SMARCC1: variants seen among roughly 807,000 people sequenced by gnomAD.
SMARCC1 encodes SWI/SNF related BAF chromatin remodeling complex subunit C1.
Under a neutral mutation model 147.4 loss-of-function variants are expected in SMARCC1, and 43 were observed. The observed-to-expected ratio is 0.29, with a 90% CI of 0.23 to 0.38. SMARCC1 has a LOEUF of 0.38. SMARCC1 is among the 10% of genes least tolerant of loss of function. The pLI, the probability that SMARCC1 is intolerant of heterozygous loss-of-function variation, is 1.00. For missense variants in SMARCC1, 1,119 were observed against 1,381.1 expected (o/e 0.81, Z 3.01); for synonymous variants, 495 against 484.4 (o/e 1.02, Z -0.29).
At chr3:47,610,686 C>T (rs1015940550) in intron 25 of SMARCC1, 2 of 263,084 alleles carry the variant, frequency 7.6e-6, no homozygotes, top group Admixed American at 4.8e-5. Context: ...TGAGTCTTCC[C>T]CAGGTAAAAC....
chr3:47,711,367 C>A (rs954509047), intron 8 of SMARCC1, among the ~76,000 whole-genome samples: 1 of 152,054 alleles, frequency 6.6e-6, no homozygotes, highest in African/African-American at 2.4e-5. Context: ...GTTGTGTGGA[C>A]GTACAAATGT....
At chr3:47,769,293 G>A (rs547543819) in intron 2 of SMARCC1, among the ~76,000 whole-genome samples, 39 of 147,912 alleles carry the variant, frequency 2.6e-4, no homozygotes, top group Non-Finnish European at 4.9e-4. Context: ...GAGGTGGCCG[G>A]ATCATGAGGT....
At chr3:47,626,186 G>A (rs1248126269) in intron 24 of SMARCC1, among the ~76,000 whole-genome samples, 4 of 151,100 alleles carry the variant, frequency 2.6e-5, no homozygotes, top group Non-Finnish European at 4.4e-5. Context: ...TAGCTTTGTC[G>A]CCCAGGCTGG....
intron 2 of SMARCC1, chr3:47,746,371 G>C (rs2034564129): frequency 6.3e-6 from 1 of 159,654 alleles, no homozygotes; most frequent in African/African-American, 2.4e-5. Context: ...ACTTCAGCCT[G>C]AGAGGTTGAG....
chr3:47,696,152 C>G (rs201842157), intron 11 of SMARCC1, among the ~76,000 whole-genome samples: 1 of 151,340 alleles, frequency 6.6e-6, no homozygotes, highest in East Asian at 2.0e-4. Flanking sequence ...GGGTGGATCA[C>G]CTGAGATCAG....
intron 21 of SMARCC1, among the ~76,000 whole-genome samples, chr3:47,655,533 C>T (rs918449465): frequency 1.3e-5 from 2 of 151,014 alleles, no homozygotes; most frequent in Non-Finnish European, 2.9e-5. Flanking sequence ...CCTGTCTCCA[C>T]CAAAAATACA....
chr3:47,743,739 G>A (rs1437157589), intron 3 of SMARCC1, among the ~76,000 whole-genome samples: 6 of 151,510 alleles, frequency 4.0e-5, no homozygotes, highest in African/African-American at 1.2e-4. Flanking sequence ...CTTGAACCTG[G>A]GAGGTAGAGG....
intron 1 of SMARCC1, among the ~76,000 whole-genome samples, chr3:47,780,749 G>A (rs2035036767): frequency 6.6e-6 from 1 of 152,118 alleles, no homozygotes; most frequent in Admixed American, 6.6e-5. Context: ...AAACTTCAGA[G>A]GCTGGGGAGC....
At chr3:47,741,277 T>C (rs544624159) in intron 3 of SMARCC1, among the ~76,000 whole-genome samples, 16 of 151,508 alleles carry the variant, frequency 1.1e-4, no homozygotes, top group African/African-American at 3.4e-4. Flanking sequence ...AAAGGCAATG[T>C]CTGCACTGCA....
At position 47,587,295 on chromosome 3, in the gene SMARCC1, A is replaced by T. The variant is rs533073510; in HGVS notation, c.*914T>A. On this transcript the variant is annotated 3_prime_UTR_variant, in exon 28 of 28. Coordinates refer to ENST00000254480, the MANE Select transcript of SMARCC1 (RefSeq NM_003074.4). ...AAAAAATGCACACAAAGCAGTGAAT[A>T]GTAGGCTAGACTCATTGGGGGTAAT... 2.6e-4 allele frequency: 18 copies of T among 70,324 alleles called. No homozygotes were observed. The highest frequency in any genetic ancestry group is 8.6e-4 in the African/African-American group (16 of 18,520). The allele number at this position is 70,324 out of a possible 1,614,324, so 4.4% of individuals were successfully genotyped here.
At chr3:47,768,974 G>A (rs973903167) in intron 2 of SMARCC1, among the ~76,000 whole-genome samples, 1 of 151,538 alleles carries the variant, frequency 6.6e-6, no homozygotes, top group Admixed American at 6.6e-5. Flanking sequence ...CTTTGGGAGG[G>A]AGAGGTGGGC....
chr3:47,733,863 CAAAA>C (rs35679222), intron 5 of SMARCC1, among the ~76,000 whole-genome samples: 3 of 72,410 alleles, frequency 4.1e-5, no homozygotes, highest in Non-Finnish European at 3.0e-5. Flanking sequence ...GACTCTGTCT[CAAAA>C]AAAAAAAAAA....
Position 47,681,739 on chromosome 3 carries a change from G to A in SMARCC1, c.1386-1231C>T, listed in dbSNP as rs535183215. Among the ~76,000 whole-genome samples, 11 of 151,966 alleles carry A rather than the reference G, an allele frequency of 7.2e-5. No homozygotes were observed. The East Asian group carries it at 1.9e-3, about 27-fold the overall frequency. On this transcript the variant is annotated intron_variant, in intron 14 of 27. Transcript: ENST00000254480. ...AATACTATAAATACAATGAATTACC[G>A]GCAAACTTCTAGAAAGATAATTTCT...
At chr3:47,674,012 C>T (rs936082830) in intron 18 of SMARCC1, among the ~76,000 whole-genome samples, 7 of 152,132 alleles carry the variant, frequency 4.6e-5, no homozygotes, top group African/African-American at 1.7e-4. Context: ...TTTATTCTTC[C>T]ATTAGATCCA....
At chr3:47,682,228 G>A (rs2106763834) in intron 14 of SMARCC1, among the ~76,000 whole-genome samples, 1 of 150,030 alleles carries the variant, frequency 6.7e-6, no homozygotes, top group South Asian at 2.1e-4. Context: ...CCGGAAGGCG[G>A]AGCTTGCAGT....
intron 13 of SMARCC1, among the ~76,000 whole-genome samples, chr3:47,687,573 C>T (rs140937782): frequency 4.3e-4 from 65 of 152,220 alleles, no homozygotes; most frequent in African/African-American, 1.4e-3. Context: ...GGCATTAAAA[C>T]GAAGGAATTT....
rs375228316 is a variant in SMARCC1 at position 47,739,604 on chromosome 3, C to T, written c.402-1494G>A. On this transcript the variant is annotated intron_variant, in intron 3 of 27. Transcript: ENST00000254480. ...CCACCTCAGCCTCCCAAAGTGCTGA[C>T]ATTACAGGGGTGAGCCAACACGCCT... 9.0e-4 allele frequency among the ~76,000 whole-genome samples: 137 copies of T among 152,200 alleles called. 2 individuals are homozygous for T. The South Asian group carries it at 0.021, about 23-fold the overall frequency.
chr3:47,748,511 A>G (rs938994329), intron 2 of SMARCC1, among the ~76,000 whole-genome samples: 11 of 132,062 alleles, frequency 8.3e-5, no homozygotes, highest in Non-Finnish European at 1.7e-4. Flanking sequence ...GGCATGAGCC[A>G]CCGCACCCGG....
At chr3:47,712,988 T>C (rs2034106911) in intron 8 of SMARCC1, among the ~76,000 whole-genome samples, 1 of 152,222 alleles carries the variant, frequency 6.6e-6, no homozygotes, top group South Asian at 2.1e-4. Flanking sequence ...TATTAGATGA[T>C]AGTATAATTT....
Sources: gnomAD v4.1 joint callset for allele counts (sites outside exome capture counted in the v4.1 genomes callset) on GRCh38, gnomAD v4.1.1 for gene constraint, MANE v1.5 for transcripts, NCBI Gene and HGNC (gene_info 2026-07-23, HGNC 2026-07-21) for gene names.